Variants in CACNB4 observed in about 807,000 individuals in gnomAD.
The protein encoded by CACNB4 is voltage-dependent L-type calcium channel subunit beta-4.
CACNB4 carries 32 observed loss-of-function variants against 71.2 expected under a neutral mutation model. The observed-to-expected ratio is 0.45, with a 90% CI of 0.34 to 0.60. The LOEUF (loss-of-function observed/expected upper bound fraction) is 0.60, where lower values mean the gene tolerates loss of function less well. Among genes scored for constraint, CACNB4 ranks in the 20% least tolerant of loss-of-function variants. CACNB4 has a pLI of 0.01. For synonymous variants in CACNB4, 231 were observed against 236.9 expected (o/e 0.97, Z 0.23); for missense variants, 464 against 647.9 (o/e 0.72, Z 3.08).
At chr2:152,030,378 A>G (rs1256730929) in intron 2 of CACNB4, among the ~76,000 whole-genome samples, 1 of 152,260 alleles carries the variant, frequency 6.6e-6, no homozygotes, top group Non-Finnish European at 1.5e-5. Flanking sequence ...ATTTTACACA[A>G]GATCATCATT....
At chr2:152,047,264 C>T (rs1202907367) in intron 2 of CACNB4, among the ~76,000 whole-genome samples, 4 of 152,092 alleles carry the variant, frequency 2.6e-5, no homozygotes, top group Non-Finnish European at 4.4e-5. Context: ...AAATGTCAAC[C>T]GCTGTCACAC....
At position 152,098,220 on chromosome 2, in the gene CACNB4, C is replaced by T. The variant is rs1688386152; in HGVS notation, c.147+110G>A. ...CCGGCCGAGGCCGGGAAGAGACGCG[C>T]GCGGGCTTGACCCGCAGCTCCCGCA... is the stretch of plus-strand genomic sequence containing the variant. On this transcript the variant is annotated intron_variant, in intron 2 of 13. Coordinates refer to ENST00000539935, the MANE Select transcript of CACNB4 (RefSeq NM_000726.5). The surrounding 1 kb of genome is among the most constrained non-coding windows in gnomAD (Gnocchi z 5.3). The T allele has an allele frequency of 2.6e-6, 2 of 777,994 alleles. No individual in the cohort carries two copies. The highest frequency in any genetic ancestry group is 2.5e-5 in the East Asian group (1 of 39,760). The allele number at this position is 777,994 out of a possible 1,614,324, so 48.2% of individuals were successfully genotyped here. A position where few individuals can be genotyped will look rare whatever the true frequency, so the allele number is the denominator to read the frequency against.
intron 2 of CACNB4, chr2:151,971,433 T>C (rs751010989): frequency 5.7e-6 from 4 of 697,380 alleles, no homozygotes; most frequent in African/African-American, 1.8e-5. Flanking sequence ...CAGCTTTTAG[T>C]GCCTATATAT....
chr2:151,861,852 A>AAAAAAAAAAAAAAAAAAAAAAC (rs1559883027), intron 9 of CACNB4: 14 of 146,632 alleles, frequency 9.5e-5, no homozygotes, highest in African/African-American at 3.4e-4. Context: ...CAAAAAAAAA[A>AAAAAAAAAAAAAAAAAAAAAAC]AAAAAACTGA....
chr2:151,899,428 G>A (rs2099852855), intron 2 of CACNB4, among the ~76,000 whole-genome samples: 1 of 152,128 alleles, frequency 6.6e-6, no homozygotes, highest in Non-Finnish European at 1.5e-5. Flanking sequence ...AACTTCCCCA[G>A]GGCAAATATG....
intron 2 of CACNB4, among the ~76,000 whole-genome samples, chr2:152,057,304 C>T (rs1330467571): frequency 6.6e-6 from 1 of 152,196 alleles, no homozygotes; most frequent in Non-Finnish European, 1.5e-5. Context: ...GTCTAGCTGA[C>T]ACCCTCATTG....
intron 2 of CACNB4, among the ~76,000 whole-genome samples, chr2:152,078,635 C>T (rs754238843): frequency 1.3e-5 from 2 of 152,196 alleles, no homozygotes; most frequent in Admixed American, 6.5e-5. Context: ...TCTGGGTCAT[C>T]CCTTTAAAAA....
At chr2:151,911,751 G>A (rs373621127) in intron 2 of CACNB4, among the ~76,000 whole-genome samples, 36 of 152,302 alleles carry the variant, frequency 2.4e-4, no homozygotes, top group African/African-American at 8.7e-4. Context: ...AGAAGAAATG[G>A]TACCAGCTCC....
intron 10 of CACNB4, among the ~76,000 whole-genome samples, chr2:151,855,952 A>G (rs1170890004): frequency 6.6e-6 from 1 of 152,060 alleles, no homozygotes; most frequent in African/African-American, 2.4e-5. Flanking sequence ...AGATTTAAGT[A>G]CGAAAGCCAA....
intron 2 of CACNB4, among the ~76,000 whole-genome samples, chr2:151,927,736 A>G (rs888189257): frequency 6.6e-6 from 1 of 152,212 alleles, no homozygotes; most frequent in African/African-American, 2.4e-5. Flanking sequence ...GGTGCTGAGT[A>G]GGTGGAGGGT....
At chr2:152,077,224 C>T (rs918633798) in intron 2 of CACNB4, among the ~76,000 whole-genome samples, 19 of 152,026 alleles carry the variant, frequency 1.2e-4, no homozygotes, top group African/African-American at 2.2e-4. Context: ...AGTTCAAGAC[C>T]GGCCTGGCCA....
At chr2:151,853,713 C>T in intron 11 of CACNB4, 170 bp from the exon 12 acceptor site, 1 of 503,030 alleles carries the variant, frequency 2.0e-6, no homozygotes, top group South Asian at 2.6e-5. Context: ...TACATTGGCT[C>T]TCAGTTCCAT....
At chr2:152,046,317 C>T (rs770985696) in intron 2 of CACNB4, among the ~76,000 whole-genome samples, 2 of 152,124 alleles carry the variant, frequency 1.3e-5, no homozygotes, top group Non-Finnish European at 2.9e-5. Flanking sequence ...TTATTAGAAA[C>T]ACAAATGCAC....
At chr2:151,882,952 G>A in intron 3 of CACNB4, 2 of 396,872 alleles carry the variant, frequency 5.0e-6, no homozygotes, top group South Asian at 2.2e-5. Flanking sequence ...AGGGCCAGCT[G>A]GTGCCTGGGG....
chr2:151,989,266 A>G (rs557127040), intron 2 of CACNB4, among the ~76,000 whole-genome samples: 4 of 152,340 alleles, frequency 2.6e-5, no homozygotes, highest in Non-Finnish European at 4.4e-5. Context: ...TCTTCCAGCT[A>G]TCAACTTACT....
At chr2:151,910,374 A>T (rs36052741) in intron 2 of CACNB4, among the ~76,000 whole-genome samples, 73,130 of 151,722 alleles carry the variant, frequency 0.48, 21,813 homozygotes, top group Non-Finnish European at 0.67. Context: ...CTCTTTAATT[A>T]CCTATGCCTA....
chr2:152,091,553 C>T (rs1054053693), intron 2 of CACNB4, among the ~76,000 whole-genome samples: 1 of 151,918 alleles, frequency 6.6e-6, no homozygotes, highest in Non-Finnish European at 1.5e-5. Context: ...GACCAGCCTC[C>T]CAAGAACCCA....
At chr2:151,952,850 G>A (rs938245318) in intron 2 of CACNB4, among the ~76,000 whole-genome samples, 2 of 152,234 alleles carry the variant, frequency 1.3e-5, no homozygotes, top group Non-Finnish European at 2.9e-5. Context: ...TTCCTGGGAA[G>A]AGGGGTGAAT....
At chr2:152,082,578 A>C (rs1687420896) in intron 2 of CACNB4, among the ~76,000 whole-genome samples, 1 of 152,232 alleles carries the variant, frequency 6.6e-6, no homozygotes, top group Non-Finnish European at 1.5e-5. Flanking sequence ...ACACAGCCAT[A>C]AAGTCCTATA....
Sources: gnomAD v4.1 joint callset for allele counts (sites outside exome capture counted in the v4.1 genomes callset) on GRCh38, gnomAD v4.1.1 for gene constraint, Gnocchi (gnomAD v3.1) non-coding constraint, MANE v1.5 for transcripts, NCBI Gene and HGNC (gene_info 2026-07-23, HGNC 2026-07-21) for gene names.